Variants in ENOX2 observed in about 807,000 individuals in gnomAD.
ENOX2 encodes the protein APK1 antigen.
ENOX2 carries 36 observed loss-of-function variants against 45.0 expected under a neutral mutation model. That is an observed-to-expected ratio of 0.80 (90% CI 0.61 to 1.06). The LOEUF (loss-of-function observed/expected upper bound fraction) is 1.06. Among genes scored for constraint, ENOX2 ranks in the 50% least tolerant of loss-of-function variants. The probability of loss-of-function intolerance (pLI) is 0.00; values close to 1 mark genes in which losing one functional copy is unlikely to be tolerated. For missense variants in ENOX2, 423 were observed against 462.5 expected, an observed-to-expected ratio of 0.91 and a Z score of 0.78; for synonymous variants, 174 against 152.3, an observed-to-expected ratio of 1.14 and a Z score of -1.05.
chrX:130,659,136 G>A (rs769581014), intron 9 of ENOX2, among the ~76,000 whole-genome samples: 4 of 111,918 alleles, frequency 3.6e-5, no homozygotes, highest in Non-Finnish European at 5.6e-5. Context: ...GGAAATATCC[G>A]AAGTTGTCTG....
chrX:130,632,977 G>C (rs913486451), intron 12 of ENOX2, among the ~76,000 whole-genome samples: 10 of 112,042 alleles, frequency 8.9e-5, no homozygotes, highest in East Asian at 8.3e-4. Flanking sequence ...TAACAGATTG[G>C]GGTTGATTTA....
intron 2 of ENOX2, among the ~76,000 whole-genome samples, chrX:130,796,241 A>G (rs963376825): frequency 1.8e-5 from 2 of 111,832 alleles, no homozygotes; most frequent in Non-Finnish European, 3.8e-5. Context: ...TTTCATGTAT[A>G]ATTGGATCTG....
At chrX:130,807,980 G>C (rs900234229) in intron 2 of ENOX2, among the ~76,000 whole-genome samples, 2 of 112,417 alleles carry the variant, frequency 1.8e-5, no homozygotes, top group Non-Finnish European at 3.8e-5. Context: ...CAGATAACCT[G>C]ATACATAGCA....
intron 9 of ENOX2, among the ~76,000 whole-genome samples, chrX:130,657,641 C>A (rs1425532370): frequency 8.9e-6 from 1 of 112,667 alleles, no homozygotes; most frequent in African/African-American, 3.2e-5. Context: ...GACAACTGAG[C>A]TGGCCATCCA....
chrX:130,876,373 C>T (rs750359654), intron 2 of ENOX2, among the ~76,000 whole-genome samples: 148 of 111,626 alleles, frequency 1.3e-3, no homozygotes, highest in African/African-American at 4.6e-3. Flanking sequence ...TGATTCCATT[C>T]ATATGGAATG....
At chrX:130,788,531 T>C (rs985233778) in intron 2 of ENOX2, among the ~76,000 whole-genome samples, 4 of 111,728 alleles carry the variant, frequency 3.6e-5, no homozygotes, top group Non-Finnish European at 7.5e-5. Context: ...TACTCTATTT[T>C]GGGAGTTCCT....
intron 3 of ENOX2, among the ~76,000 whole-genome samples, chrX:130,714,754 T>A (rs924704102): frequency 3.6e-5 from 4 of 110,664 alleles, no homozygotes; most frequent in Non-Finnish European, 7.6e-5. Flanking sequence ...CTAGTGAGAG[T>A]GGCAGATATG....
At chrX:130,736,790 A>T (rs772634227) in intron 3 of ENOX2, among the ~76,000 whole-genome samples, 60 of 111,963 alleles carry the variant, frequency 5.4e-4, no homozygotes, top group Middle Eastern at 4.6e-3. Context: ...GCTGCTCTCC[A>T]GAGTCAAGAC....
At chrX:130,740,932 T>C (rs2038967966) in intron 3 of ENOX2, among the ~76,000 whole-genome samples, 1 of 111,403 alleles carries the variant, frequency 9.0e-6, no homozygotes, top group Non-Finnish European at 1.9e-5. Context: ...GGGCTTAGTT[T>C]CCTCTTCTGT....
chrX:130,649,648 C>A (rs1285722803), intron 10 of ENOX2, among the ~76,000 whole-genome samples: 4 of 112,053 alleles, frequency 3.6e-5, no homozygotes, highest in Non-Finnish European at 7.5e-5. Flanking sequence ...ATAAAAAGAT[C>A]TTTGGCATGA....
chrX:130,725,102 C>T (rs1302621231), intron 3 of ENOX2, among the ~76,000 whole-genome samples: 1 of 111,506 alleles, frequency 9.0e-6, no homozygotes, highest in Non-Finnish European at 1.9e-5. Context: ...AACCCGAATG[C>T]AAAAACCTTT....
At chrX:130,635,186 C>T in intron 11 of ENOX2, 95 bp from the exon 12 acceptor site, 1 of 464,937 alleles carries the variant, frequency 2.2e-6, no homozygotes, top group Non-Finnish European at 3.5e-6. Context: ...GTGGGCCTGC[C>T]TCACTTTCCT....
At chrX:130,787,423 T>G (rs1251839997) in intron 2 of ENOX2, among the ~76,000 whole-genome samples, 2 of 111,971 alleles carry the variant, frequency 1.8e-5, no homozygotes, top group Non-Finnish European at 3.8e-5. Context: ...AAGTATTAAC[T>G]ACTACTATTA....
chrX:130,679,852 G>A, intron 5 of ENOX2, 104 bp from the exon 6 acceptor site: 1 of 615,393 alleles, frequency 1.6e-6, no homozygotes, highest in South Asian at 2.7e-5. Flanking sequence ...TTTTGTCTAA[G>A]AGTGTCAGAA....
rs938038850 is a variant in ENOX2 at position 130,672,138 on chromosome X, A to G, written c.461-1940T>C. Among the ~76,000 whole-genome samples, 3 of 112,190 alleles carry G rather than the reference A, an allele frequency of 2.7e-5. No individual in the cohort carries two copies. The East Asian group carries it at 8.4e-4, about 31-fold the overall frequency. On this transcript the variant is annotated intron_variant, in intron 6 of 14. Coordinates refer to ENST00000394363, the MANE Select transcript of ENOX2 (RefSeq NM_006375.4). ...CATGAAAGATATAAAAAGAGCCACAATCAAACATCTACAGGCTTAAGCTAC... is the reference window on the plus strand; with the variant it reads ...CATGAAAGATATAAAAAGAGCCACAGTCAAACATCTACAGGCTTAAGCTAC...
chrX:130,860,999 T>C (rs1027623953), intron 2 of ENOX2, among the ~76,000 whole-genome samples: 4 of 111,668 alleles, frequency 3.6e-5, no homozygotes, highest in Non-Finnish European at 5.6e-5. Context: ...CCAGGAGGTA[T>C]GTGAAAAGGT....
At chrX:130,876,432 A>G (rs953225289) in intron 2 of ENOX2, among the ~76,000 whole-genome samples, 3 of 111,804 alleles carry the variant, frequency 2.7e-5, no homozygotes, top group East Asian at 5.6e-4. Flanking sequence ...GTTGCCTAGC[A>G]CTGGGAGTTG....
At chrX:130,649,043 C>CAAAAA (rs35154919) in intron 10 of ENOX2, among the ~76,000 whole-genome samples, 18 of 6,797 alleles carry the variant, frequency 2.6e-3, no homozygotes, top group East Asian at 8.6e-3. Flanking sequence ...GACTCCATAT[C>CAAAAA]AAAAAAAAAA....
intron 2 of ENOX2, among the ~76,000 whole-genome samples, chrX:130,813,901 G>T (rs1008005091): frequency 8.9e-6 from 1 of 111,943 alleles, no homozygotes; most frequent in African/African-American, 3.2e-5. Flanking sequence ...AGACAGAACC[G>T]TTTGCTCCCC....
Sources: allele counts gnomAD v4.1 joint callset (sites outside exome capture counted in the v4.1 genomes callset), GRCh38; gene constraint gnomAD v4.1.1; transcripts MANE v1.5; gene names NCBI Gene and HGNC (gene_info 2026-07-23, HGNC 2026-07-21).